GRIK2: variants seen among roughly 807,000 people sequenced by gnomAD.
GRIK2 encodes the protein glutamate ionotropic receptor kainate type subunit 2, also known as glutamate receptor ionotropic, kainate 2.
A neutral mutation model predicts 100.3 loss-of-function variants in GRIK2; 32 were observed. The ratio of observed to expected loss-of-function variants is 0.32; its 90% CI spans 0.24 to 0.43. The LOEUF (loss-of-function observed/expected upper bound fraction) is 0.43. Ranked by LOEUF, GRIK2 falls within the 20% of genes least tolerant of loss-of-function variation. GRIK2 has a pLI of 1.00. For synonymous variants in GRIK2, 417 were observed against 389.4 expected (o/e 1.07, Z -0.83); for missense variants, 843 against 1,114.9 (o/e 0.76, Z 3.47).
chr6:101,618,373 C>A (rs1387727148), intron 2 of GRIK2, among the ~76,000 whole-genome samples: 1 of 151,520 alleles, frequency 6.6e-6, no homozygotes, highest in African/African-American at 2.4e-5. Flanking sequence ...TTTGTTTAGT[C>A]TTTGTCCTAG....
intron 2 of GRIK2, among the ~76,000 whole-genome samples, chr6:101,408,884 C>T (rs897589654): frequency 5.3e-5 from 8 of 151,956 alleles, no homozygotes; most frequent in African/African-American, 1.5e-4. Context: ...CCAGATAATT[C>T]CAAAGCAAAA....
At chr6:101,667,930 C>T (rs1770150331) in intron 4 of GRIK2, among the ~76,000 whole-genome samples, 1 of 152,042 alleles carries the variant, frequency 6.6e-6, no homozygotes, top group South Asian at 2.1e-4. Flanking sequence ...TACAAATAAT[C>T]AATTATCCCT....
chr6:101,816,239 T>C (rs1048413774), intron 9 of GRIK2, among the ~76,000 whole-genome samples: 1 of 140,030 alleles, frequency 7.1e-6, no homozygotes, highest in Admixed American at 7.0e-5. Flanking sequence ...TGCCAATTTA[T>C]ATTAAAAAAA....
chr6:101,633,395 A>G (rs980557004), intron 4 of GRIK2, among the ~76,000 whole-genome samples: 1 of 152,104 alleles, frequency 6.6e-6, no homozygotes, highest in Non-Finnish European at 1.5e-5. Flanking sequence ...AGTTTTTAGC[A>G]AGGGATTTGA....
chr6:101,614,732 T>C (rs1382338793), intron 2 of GRIK2, among the ~76,000 whole-genome samples: 1 of 151,754 alleles, frequency 6.6e-6, no homozygotes, highest in African/African-American at 2.4e-5. Flanking sequence ...ACATATCTTC[T>C]GGGAGGATAA....
intron 9 of GRIK2, 146 bp from the exon 10 acceptor site, chr6:101,818,224 G>A (rs1554268643): frequency 1.7e-6 from 1 of 585,244 alleles, no homozygotes; most frequent in Non-Finnish European, 3.0e-6. Context: ...CGTGAATCAT[G>A]CTTTAAACAA....
At chr6:101,396,252 C>G (rs546998681) in intron 1 of GRIK2, among the ~76,000 whole-genome samples, 9 of 150,290 alleles carry the variant, frequency 6.0e-5, no homozygotes, top group East Asian at 2.0e-4. Flanking sequence ...TCCCCCCCCC[C>G]CCAGGAAGTG....
intron 7 of GRIK2, among the ~76,000 whole-genome samples, chr6:101,717,910 G>A (rs893453900): frequency 6.6e-6 from 1 of 151,384 alleles, no homozygotes; most frequent in Non-Finnish European, 1.5e-5. Context: ...ATACTACCCA[G>A]GTCCATAAAT....
chr6:101,955,178 T>G lies in GRIK2; in HGVS notation c.2085+26546T>G, dbSNP rs562552529. On this transcript the variant is annotated intron_variant, in intron 14 of 16. Coordinates refer to ENST00000369134, the MANE Select transcript of GRIK2 (RefSeq NM_021956.5). ...TAGTTTGTTTTTCTTGTGATTTTTT[T>G]GGGGGGTTTTGATATCAGGTTGACA... 5.7e-3 allele frequency among the ~76,000 whole-genome samples: 872 copies of G among 152,194 alleles called. 9 individuals carry two copies. The highest frequency in any genetic ancestry group is 0.02 in the African/African-American group (830 of 41,544).
chr6:101,537,428 T>G (rs7454714), intron 2 of GRIK2, among the ~76,000 whole-genome samples: 392 of 135,702 alleles, frequency 2.9e-3, no homozygotes, highest in Admixed American at 4.8e-3. Context: ...GTGTGTGTGT[T>G]TGTGTGTGTG....
intron 2 of GRIK2, among the ~76,000 whole-genome samples, chr6:101,591,959 A>G (rs1340976888): frequency 6.6e-6 from 1 of 151,984 alleles, no homozygotes; most frequent in Non-Finnish European, 1.5e-5. Flanking sequence ...ATGGGGGCAG[A>G]TTCCTCATGA....
At chr6:101,685,651 T>C (rs1771624513) in intron 6 of GRIK2, among the ~76,000 whole-genome samples, 1 of 152,182 alleles carries the variant, frequency 6.6e-6, no homozygotes, top group Non-Finnish European at 1.5e-5. Flanking sequence ...AGGAACTGTA[T>C]TGTTTCTGCA....
intron 7 of GRIK2, among the ~76,000 whole-genome samples, chr6:101,788,518 G>A (rs1481996057): frequency 6.6e-6 from 1 of 152,190 alleles, no homozygotes; most frequent in Non-Finnish European, 1.5e-5. Flanking sequence ...TTTCATCCAT[G>A]TCCCTACAAA....
At chr6:101,994,926 A>G (rs1794571223) in intron 14 of GRIK2, among the ~76,000 whole-genome samples, 1 of 151,934 alleles carries the variant, frequency 6.6e-6, no homozygotes, top group Admixed American at 6.6e-5. Context: ...ATCAAGGTTG[A>G]TCAGATCATA....
chr6:101,801,335 T>A (rs1475930959), intron 8 of GRIK2, among the ~76,000 whole-genome samples: 1 of 152,074 alleles, frequency 6.6e-6, no homozygotes, highest in African/African-American at 2.4e-5. Flanking sequence ...AGTGAACACA[T>A]GTTTAACTTT....
chr6:101,749,244 G>T (rs1417313386), intron 7 of GRIK2, among the ~76,000 whole-genome samples: 1 of 152,024 alleles, frequency 6.6e-6, no homozygotes, highest in East Asian at 1.9e-4. Flanking sequence ...GAGTAACTGG[G>T]ATTACAAGTG....
intron 2 of GRIK2, among the ~76,000 whole-genome samples, chr6:101,549,964 C>T (rs1263233861): frequency 6.6e-6 from 1 of 152,182 alleles, no homozygotes; most frequent in Non-Finnish European, 1.5e-5. Context: ...CCTCTGTCTC[C>T]AGGACCCATG....
chr6:101,414,459 T>C (rs1021559337), intron 2 of GRIK2, among the ~76,000 whole-genome samples: 14 of 152,182 alleles, frequency 9.2e-5, no homozygotes, highest in African/African-American at 3.4e-4. Flanking sequence ...TTTGTCAGGA[T>C]GTAGATTCGG....
At position 101,794,361 on chromosome 6, in the gene GRIK2, C is replaced by T. The variant is rs574075323; in HGVS notation, c.952-5287C>T. Among the ~76,000 whole-genome samples, 42 of 151,994 alleles carry T rather than the reference C, an allele frequency of 2.8e-4. 1 individual carries two copies. Among genetic ancestry groups the T allele is most frequent in the Admixed American group, 2.0e-3 (30 of 15,266 alleles). ...CTATTCGGTCATCTTGGCTTCTCCCCGAGATGAATTTCTTGTAGGCAGTAT... is the reference window on the plus strand; with the variant it reads ...CTATTCGGTCATCTTGGCTTCTCCCTGAGATGAATTTCTTGTAGGCAGTAT... On this transcript the variant is annotated intron_variant, in intron 7 of 16. Coordinates refer to ENST00000369134, the MANE Select transcript of GRIK2 (RefSeq NM_021956.5).
Sources: allele counts gnomAD v4.1 joint callset (sites outside exome capture counted in the v4.1 genomes callset), GRCh38; gene constraint gnomAD v4.1.1; transcripts MANE v1.5; gene names NCBI Gene and HGNC (gene_info 2026-07-23, HGNC 2026-07-21).